C4orf50: variants seen among roughly 807,000 people sequenced by gnomAD.
C4orf50 encodes the protein chromosome 4 open reading frame 50.
A neutral mutation model predicts 77.2 loss-of-function variants in C4orf50; 80 were observed. The ratio of observed to expected loss-of-function variants is 1.04; its 90% CI spans 0.87 to 1.25. The LOEUF (loss-of-function observed/expected upper bound fraction) is 1.25. C4orf50 is among the 50% of genes most tolerant of loss of function. C4orf50 has a pLI of 0.00. For synonymous variants in C4orf50, 532 were observed against 465.3 expected, an observed-to-expected ratio of 1.14 and a Z score of -1.84; for missense variants, 1,257 against 1,152.9, an observed-to-expected ratio of 1.09 and a Z score of -1.31.
intron 28 of C4orf50, among the ~76,000 whole-genome samples, chr4:5,985,773 G>C (rs753096443): frequency 7.2e-5 from 11 of 152,104 alleles, no homozygotes; most frequent in Non-Finnish European, 1.6e-4. Flanking sequence ...TTTGAGACCA[G>C]CCTGGCCAAC....
intron 25 of C4orf50, among the ~76,000 whole-genome samples, chr4:5,996,436 C>A (rs954345181): frequency 6.6e-6 from 1 of 151,966 alleles, no homozygotes; most frequent in African/African-American, 2.4e-5. Flanking sequence ...GGCCTCACTG[C>A]CCCCACCTCC....
intron 7 of C4orf50, among the ~76,000 whole-genome samples, chr4:5,944,472 A>C (rs1718398625): frequency 6.6e-6 from 1 of 152,188 alleles, no homozygotes; most frequent in African/African-American, 2.4e-5. Flanking sequence ...TGAGACAAAT[A>C]GAAGGAGTGA....
chr4:5,920,639 G>A (rs914203798), intron 7 of C4orf50, among the ~76,000 whole-genome samples: 10 of 150,688 alleles, frequency 6.6e-5, no homozygotes, highest in African/African-American at 1.9e-4. Flanking sequence ...ACCATGCCCT[G>A]CTAATTTTTG....
rs77279470 is a variant in C4orf50 at position 6,017,292 on chromosome 4, C to T, written c.287+853G>A. ...GCTGGACAGCCACACAGGGAAGAGA[C>T]GATGTTACCAGGGCAGGGCAGAGCA... On this transcript the variant is annotated intron_variant, in intron 23 of 33. Coordinates refer to ENST00000531445, the Ensembl canonical transcript of C4orf50. This position sits in a 1 kb window ranked among gnomAD's most constrained non-coding sequence, Gnocchi z 4.7. Among the ~76,000 whole-genome samples, 1,463 of 152,314 alleles carry T rather than the reference C, an allele frequency of 9.6e-3. 20 individuals are homozygous for T. The highest frequency in any genetic ancestry group is 0.034 in the African/African-American group (1,405 of 41,570).
intron 7 of C4orf50, among the ~76,000 whole-genome samples, chr4:5,921,521 T>A (rs1246005307): frequency 6.6e-6 from 1 of 152,176 alleles, no homozygotes; most frequent in Non-Finnish European, 1.5e-5. Flanking sequence ...TAGAGTTGGC[T>A]TCCAGCTGAC....
In C4orf50 at chr4:5,970,400, C is replaced by T. The variant is rs1235286048; in HGVS notation, c.4105-2938G>A. Among the ~76,000 whole-genome samples the T allele has an allele frequency of 3.3e-5, 5 of 152,202 alleles. No homozygotes were observed. Among genetic ancestry groups the T allele is most frequent in the Non-Finnish European group, 7.3e-5 (5 of 68,032 alleles). On this transcript the variant is annotated intron_variant, in intron 31 of 33. Transcript: ENST00000531445. This position sits in a 1 kb window ranked among gnomAD's most constrained non-coding sequence, Gnocchi z 4.3. ...AGTGACCTCTGCCATGCCAGGCTGA[C>T]CTCGTGGGATTTCCCCATCCCCAAA...
chr4:5,937,518 A>C lies in C4orf50; in HGVS notation c.*2474+19383T>G, dbSNP rs541513362. Among the ~76,000 whole-genome samples the C allele has an allele frequency of 7.9e-5, 12 of 152,342 alleles. No homozygotes were observed. In the East Asian group the frequency reaches 2.3e-3, roughly 29 times the overall value. On this transcript the variant is annotated intron_variant, in intron 7 of 7. Transcript: ENST00000324058. ...AAGGCAGGGTAAACAGTAAGCACAC[A>C]GTAAGATGACGGATAAATATACATA...
Position 6,008,577 on chromosome 4 carries a change from A to C in C4orf50, c.427-45T>G. On this transcript the variant is annotated intron_variant, in intron 24 of 33. Transcript: ENST00000531445. This position sits in a 1 kb window ranked among gnomAD's most constrained non-coding sequence, Gnocchi z 6.0. ...GAGGGCGTCAGCAAGCCCAAAGGAC[A>C]CACCATGGTTCACATTGGTCCTGTC... 1 of 397,300 alleles carries C rather than the reference A, an allele frequency of 2.5e-6. No individual in the cohort carries two copies. The highest frequency in any genetic ancestry group is 4.4e-6 in the Non-Finnish European group (1 of 225,122). The allele number at this position is 397,300 out of a possible 1,614,324, so 24.6% of individuals were successfully genotyped here. A position where few individuals can be genotyped will look rare whatever the true frequency, so the allele number is the denominator to read the frequency against.
At chr4:5,959,597 A>T (rs777666618) in exon 34 of C4orf50, 5 of 1,614,138 alleles carry the variant, frequency 3.1e-6, no homozygotes, top group Non-Finnish European at 4.2e-6. Flanking sequence ...ACGTTCCAGG[A>T]TCAAGCGTGG....
chr4:5,959,352 G>A (rs368502154), exon 34 of C4orf50: 16 of 1,605,450 alleles, frequency 1.0e-5, no homozygotes, highest in Non-Finnish European at 1.4e-5. Context: ...CTATGAAATG[G>A]CTCCGGAGAA....
At chr4:5,927,340 C>G (rs1419429418) in intron 7 of C4orf50, among the ~76,000 whole-genome samples, 2 of 152,080 alleles carry the variant, frequency 1.3e-5, no homozygotes, top group Non-Finnish European at 2.9e-5. Flanking sequence ...CAACTCCCTC[C>G]AGTCTTTCTA....
At chr4:5,912,393 G>A (rs1458133111) in intron 7 of C4orf50, among the ~76,000 whole-genome samples, 2 of 152,114 alleles carry the variant, frequency 1.3e-5, no homozygotes, top group Non-Finnish European at 2.9e-5. Context: ...AAATTGGAAT[G>A]AGGAAAATAT....
intron 29 of C4orf50, among the ~76,000 whole-genome samples, chr4:5,977,328 G>A (rs371452421): frequency 2.6e-5 from 4 of 152,130 alleles, no homozygotes; most frequent in East Asian, 1.9e-4. Context: ...ATAAAAAGCC[G>A]CAAGCCTCTT....
At position 5,980,487 on chromosome 4, in the gene C4orf50, A is replaced by T. The variant is rs1720522224; in HGVS notation, c.3700-149T>A. The stretch of plus-strand genomic sequence containing the variant: ...TTATATTTCTCTTACAGTAAGTTTT[A>T]GAAGATAAGGTAGCAGAAATCACTC... On this transcript the variant is annotated intron_variant, in intron 28 of 33. Transcript: ENST00000531445. The T allele has an allele frequency of 5.0e-5, 35 of 693,366 alleles. No homozygotes were observed. In the South Asian group the frequency reaches 6.8e-4, roughly 14 times the overall value. The allele number at this position is 693,366 out of a possible 1,614,324, so 43.0% of individuals were successfully genotyped here.
intron 30 of C4orf50, among the ~76,000 whole-genome samples, chr4:5,974,601 G>T (rs1279753946): frequency 6.6e-6 from 1 of 152,118 alleles, no homozygotes; most frequent in East Asian, 1.9e-4. Flanking sequence ...GCATAACCAG[G>T]TTCTGCTGAT....
chr4:5,961,519 T>G (rs1401610320), intron 33 of C4orf50, among the ~76,000 whole-genome samples: 1 of 152,176 alleles, frequency 6.6e-6, no homozygotes, highest in Non-Finnish European at 1.5e-5. Flanking sequence ...AGGAGATAAG[T>G]GCTATTATTA....
At chr4:6,003,874 G>A (rs1721993593) in intron 25 of C4orf50, among the ~76,000 whole-genome samples, 2 of 145,802 alleles carry the variant, frequency 1.4e-5, no homozygotes, top group Non-Finnish European at 3.0e-5. Context: ...TGGTGATGAT[G>A]GTGATGGTGA....
chr4:5,987,978 T>C (rs1328378543), intron 28 of C4orf50, among the ~76,000 whole-genome samples: 1 of 152,218 alleles, frequency 6.6e-6, no homozygotes, highest in East Asian at 1.9e-4. Context: ...TGTACAGAAT[T>C]AGTACTTGGA....
intron 26 of C4orf50, among the ~76,000 whole-genome samples, chr4:5,993,741 C>T (rs957223616): frequency 2.0e-5 from 3 of 150,460 alleles, no homozygotes; most frequent in African/African-American, 4.9e-5. Flanking sequence ...AGCTTGAACC[C>T]GGGAGCTTGA....
Sources: allele counts gnomAD v4.1 joint callset (sites outside exome capture counted in the v4.1 genomes callset), GRCh38; gene constraint gnomAD v4.1.1; non-coding constraint Gnocchi (gnomAD v3.1); transcripts MANE v1.5; gene names NCBI Gene and HGNC (gene_info 2026-07-23, HGNC 2026-07-21).